C8orf34: variants seen among roughly 807,000 people sequenced by gnomAD.
C8orf34 encodes chromosome 8 open reading frame 34.
In C8orf34, 65 loss-of-function variants were observed where a neutral mutation model predicts 68.3. The observed-to-expected ratio is 0.95, with a 90% CI of 0.78 to 1.17. The LOEUF (loss-of-function observed/expected upper bound fraction) is 1.17. C8orf34 is among the 50% of genes most tolerant of loss of function. The pLI, the probability that C8orf34 is intolerant of heterozygous loss-of-function variation, is 0.00. For missense variants in C8orf34, 664 were observed against 655.4 expected, an observed-to-expected ratio of 1.01 and a Z score of -0.14; for synonymous variants, 244 against 241.2, an observed-to-expected ratio of 1.01 and a Z score of -0.11.
intron 7 of C8orf34, chr8:68,534,398 G>T: frequency 1.1e-6 from 1 of 905,438 alleles, no homozygotes; most frequent in Non-Finnish European, 1.3e-6. Context: ...CACTTGGCTG[G>T]GGTCTGGGAA....
At chr8:68,405,466 T>C (rs1809153421) in intron 1 of C8orf34, among the ~76,000 whole-genome samples, 1 of 152,218 alleles carries the variant, frequency 6.6e-6, no homozygotes, top group Admixed American at 6.5e-5. Flanking sequence ...ACAGTTCTCA[T>C]GGACTCCCCA....
chr8:68,370,665 G>C (rs914429890), intron 1 of C8orf34, among the ~76,000 whole-genome samples: 5 of 152,038 alleles, frequency 3.3e-5, no homozygotes, highest in African/African-American at 4.8e-5. Flanking sequence ...ATTTACTGTG[G>C]CATGTCAGCC....
At chr8:68,589,835 A>G (rs1817328646) in intron 7 of C8orf34, among the ~76,000 whole-genome samples, 1 of 143,318 alleles carries the variant, frequency 7.0e-6, no homozygotes, top group African/African-American at 2.7e-5. Context: ...GGAAGGAAGG[A>G]AGTAAAAAGA....
intron 1 of C8orf34, among the ~76,000 whole-genome samples, chr8:68,372,631 TG>T (rs1449724167): frequency 1.3e-5 from 2 of 152,236 alleles, no homozygotes; most frequent in Non-Finnish European, 2.9e-5. Context: ...CTTTAAGTTC[TG>T]GGATACATGT....
At chr8:68,696,524 A>G (rs1464011168) in intron 8 of C8orf34, among the ~76,000 whole-genome samples, 4 of 151,670 alleles carry the variant, frequency 2.6e-5, no homozygotes, top group Admixed American at 6.6e-5. Context: ...AAATTCCTCA[A>G]AAGGAATTGA....
chr8:68,443,648 T>A (rs1005764616), intron 2 of C8orf34, among the ~76,000 whole-genome samples: 14 of 152,106 alleles, frequency 9.2e-5, no homozygotes, highest in African/African-American at 3.4e-4. Flanking sequence ...CCTCGTGATC[T>A]GCCCACCTCG....
intron 11 of C8orf34, among the ~76,000 whole-genome samples, chr8:68,781,734 A>G (rs1235994160): frequency 6.6e-6 from 1 of 152,210 alleles, no homozygotes; most frequent in Non-Finnish European, 1.5e-5. Flanking sequence ...GGGAAAACCA[A>G]AGTAAAACAT....
intron 1 of C8orf34, among the ~76,000 whole-genome samples, chr8:68,383,360 C>T (rs1048887979): frequency 1.3e-5 from 2 of 152,180 alleles, no homozygotes; most frequent in African/African-American, 4.8e-5. Context: ...TTTCCTACTT[C>T]AGATCCCTGT....
chr8:68,666,943 A>G (rs56064105), intron 8 of C8orf34, among the ~76,000 whole-genome samples: 33,642 of 152,110 alleles, frequency 0.22, 4,052 homozygotes, highest in Middle Eastern at 0.35. Context: ...GAAATGGATT[A>G]TTATATCACT....
chr8:68,680,800 A>C (rs200654615), intron 8 of C8orf34, among the ~76,000 whole-genome samples: 1 of 152,154 alleles, frequency 6.6e-6, no homozygotes, highest in Non-Finnish European at 1.5e-5. Context: ...GCAGAGAACC[A>C]GTCTGACCAC....
rs1331046287 is a variant in C8orf34, at chr8:68,578,457, A to G, written c.1105+45308A>G. Among the ~76,000 whole-genome samples, 8 of 152,008 alleles carry G rather than the reference A, an allele frequency of 5.3e-5. No homozygotes were observed. In the Admixed American group the frequency reaches 5.3e-4, roughly 10 times the overall value. On this transcript the variant is annotated intron_variant, in intron 7 of 13. Transcript: ENST00000518698. ...TCTGGCAAAATACACAAATTCTTTT[A>G]GATCAGGAGGGTACCATTGATGGGG...
At chr8:68,385,728 G>C (rs905905610) in intron 1 of C8orf34, among the ~76,000 whole-genome samples, 3 of 152,094 alleles carry the variant, frequency 2.0e-5, no homozygotes, top group Non-Finnish European at 1.5e-5. Flanking sequence ...GAGAAATGTG[G>C]AATTAGTGAT....
chr8:68,591,356 C>G (rs1373960540), intron 7 of C8orf34, among the ~76,000 whole-genome samples: 1 of 152,044 alleles, frequency 6.6e-6, no homozygotes, highest in Admixed American at 6.6e-5. Flanking sequence ...AAATTTTAAC[C>G]ATTTAATAGG....
At chr8:68,614,609 TG>T (rs1818136524) in intron 7 of C8orf34, among the ~76,000 whole-genome samples, 1 of 152,038 alleles carries the variant, frequency 6.6e-6, no homozygotes, top group African/African-American at 2.4e-5. Flanking sequence ...AGATATGCGG[TG>T]TTATTTCTGA....
intron 4 of C8orf34, among the ~76,000 whole-genome samples, chr8:68,477,465 G>C (rs1450677770): frequency 6.6e-6 from 1 of 152,202 alleles, no homozygotes; most frequent in East Asian, 1.9e-4. Flanking sequence ...TAGGGTTGGA[G>C]CCTCCACACA....
At chr8:68,388,836 A>C (rs984372460) in intron 1 of C8orf34, among the ~76,000 whole-genome samples, 1 of 152,120 alleles carries the variant, frequency 6.6e-6, no homozygotes, top group Non-Finnish European at 1.5e-5. Context: ...GGTACCCCAA[A>C]ATTTGCATTT....
intron 1 of C8orf34, among the ~76,000 whole-genome samples, chr8:68,353,637 TTATA>T (rs10593212): frequency 9.8e-5 from 14 of 143,048 alleles, no homozygotes; most frequent in African/African-American, 1.5e-4. Flanking sequence ...TATATATATA[TTATA>T]TATATATATA....
At chr8:68,814,671 T>A (rs1191552608) in intron 12 of C8orf34, among the ~76,000 whole-genome samples, 1 of 152,198 alleles carries the variant, frequency 6.6e-6, no homozygotes, top group South Asian at 2.1e-4. Context: ...GCTAACTTAC[T>A]CAAAGTGACA....
chr8:68,756,789 G>C (rs947312237), intron 10 of C8orf34, among the ~76,000 whole-genome samples: 14 of 152,080 alleles, frequency 9.2e-5, no homozygotes, highest in Non-Finnish European at 2.1e-4. Context: ...TAAATATTCT[G>C]ATCAATATTT....
Sources: gnomAD v4.1 joint callset for allele counts (sites outside exome capture counted in the v4.1 genomes callset) on GRCh38, gnomAD v4.1.1 for gene constraint, MANE v1.5 for transcripts, NCBI Gene and HGNC (gene_info 2026-07-23, HGNC 2026-07-21) for gene names.